Variants in HIPK2 observed in about 807,000 individuals in gnomAD.
The protein encoded by HIPK2 is homeodomain interacting protein kinase 2.
HIPK2 carries 27 observed loss-of-function variants against 113.7 expected under a neutral mutation model. That is an observed-to-expected ratio of 0.24 (90% CI 0.17 to 0.33). HIPK2 has a LOEUF of 0.33. HIPK2 is among the 10% of genes least tolerant of loss of function. The pLI is 1.00. For synonymous variants in HIPK2, 631 were observed against 642.2 expected (o/e 0.98, Z 0.26); for missense variants, 1,257 against 1,588.0 (o/e 0.79, Z 3.54).
intron 13 of HIPK2, among the ~76,000 whole-genome samples, chr7:139,576,672 G>A (rs1291201463): frequency 6.6e-6 from 1 of 152,234 alleles, no homozygotes; most frequent in East Asian, 1.9e-4. Flanking sequence ...CGTGAATAAG[G>A]AGGAGGCATC....
chr7:139,696,808 C>T (rs1303918120), intron 2 of HIPK2, among the ~76,000 whole-genome samples: 5 of 152,262 alleles, frequency 3.3e-5, no homozygotes, highest in African/African-American at 1.2e-4. Flanking sequence ...AGAGGTGACA[C>T]GTTTCAGAGC....
intron 1 of HIPK2, among the ~76,000 whole-genome samples, chr7:139,728,852 T>C (rs1382765041): frequency 3.3e-5 from 5 of 152,206 alleles, no homozygotes; most frequent in South Asian, 2.1e-4. Flanking sequence ...ATATCTTACC[T>C]TAAAGGACCT....
At chr7:139,641,606 G>A (rs1801025614) in intron 2 of HIPK2, among the ~76,000 whole-genome samples, 1 of 152,186 alleles carries the variant, frequency 6.6e-6, no homozygotes, top group African/African-American at 2.4e-5. Context: ...ACAGCCCGGG[G>A]AACAGGTTTG....
chr7:139,697,367 C>T (rs1016229495), intron 2 of HIPK2, among the ~76,000 whole-genome samples: 20 of 152,220 alleles, frequency 1.3e-4, no homozygotes, highest in African/African-American at 4.6e-4. Flanking sequence ...AGCCTACAGC[C>T]GGAAAAGTAT....
intron 1 of HIPK2, among the ~76,000 whole-genome samples, chr7:139,752,581 C>T (rs1047104250): frequency 4.6e-5 from 7 of 152,094 alleles, no homozygotes; most frequent in Admixed American, 2.0e-4. Flanking sequence ...GATCACCACA[C>T]CCAGGATTCC....
At chr7:139,684,964 T>G (rs909060822) in intron 2 of HIPK2, among the ~76,000 whole-genome samples, 3 of 152,136 alleles carry the variant, frequency 2.0e-5, no homozygotes, top group Admixed American at 6.5e-5. Context: ...CCCTAACTCT[T>G]CAATTCTGTG....
chr7:139,671,620 C>T (rs1802305650), intron 2 of HIPK2, among the ~76,000 whole-genome samples: 2 of 152,088 alleles, frequency 1.3e-5, no homozygotes, highest in South Asian at 2.1e-4. Flanking sequence ...GGCATGATCT[C>T]GGCTCACTGC....
intron 2 of HIPK2, among the ~76,000 whole-genome samples, chr7:139,706,415 C>T (rs898104519): frequency 3.3e-5 from 5 of 152,062 alleles, no homozygotes; most frequent in African/African-American, 9.7e-5. Context: ...CGAGGGTTTC[C>T]GGTGGGTGAC....
At chr7:139,732,592 C>G (rs1360365013) in intron 1 of HIPK2, among the ~76,000 whole-genome samples, 7 of 152,032 alleles carry the variant, frequency 4.6e-5, no homozygotes, top group African/African-American at 7.3e-5. Flanking sequence ...TTTCTGCATT[C>G]TCAACAACTA....
At chr7:139,673,101 C>CTTTT (rs10701208) in intron 2 of HIPK2, among the ~76,000 whole-genome samples, 4 of 143,720 alleles carry the variant, frequency 2.8e-5, no homozygotes, top group Admixed American at 6.9e-5. Flanking sequence ...GTGGTTAGAA[C>CTTTT]TTTTTTTTTT....
intron 2 of HIPK2, among the ~76,000 whole-genome samples, chr7:139,715,708 A>G (rs1220655161): frequency 6.6e-6 from 1 of 152,180 alleles, no homozygotes; most frequent in Non-Finnish European, 1.5e-5. Context: ...AGCCCTTCCA[A>G]CGCTGAACAC....
At chr7:139,738,876 C>T (rs1477858221) in intron 1 of HIPK2, among the ~76,000 whole-genome samples, 2 of 152,128 alleles carry the variant, frequency 1.3e-5, no homozygotes, top group Non-Finnish European at 1.5e-5. Context: ...CATTTCCGGG[C>T]AGGGAATGGA....
At chr7:139,670,561 A>G (rs377372327) in intron 2 of HIPK2, among the ~76,000 whole-genome samples, 1 of 151,292 alleles carries the variant, frequency 6.6e-6, no homozygotes, top group African/African-American at 2.4e-5. Context: ...AGCCTGGGTG[A>G]TAGAGCAAGA....
intron 1 of HIPK2, among the ~76,000 whole-genome samples, chr7:139,727,297 G>A (rs1202640943): frequency 6.6e-6 from 1 of 152,196 alleles, no homozygotes; most frequent in Non-Finnish European, 1.5e-5. Context: ...CAGAGAAAGA[G>A]TGGCAGAGCC....
At chr7:139,699,455 G>C (rs1794649445) in intron 2 of HIPK2, among the ~76,000 whole-genome samples, 2 of 152,114 alleles carry the variant, frequency 1.3e-5, no homozygotes, top group South Asian at 4.1e-4. Flanking sequence ...TGGGGAAGAG[G>C]ACCATGCTTA....
Position 139,637,635 on chromosome 7 carries a change from GCTCA to G in HIPK2, c.1104-5914_1104-5911del, listed in dbSNP as rs925042966. On this transcript the variant is annotated intron_variant, in intron 2 of 14. Coordinates refer to ENST00000406875, the MANE Select transcript of HIPK2 (RefSeq NM_022740.5). The stretch of plus-strand genomic sequence containing the variant: ...CCACTTCACAGCACTTTCTTAACCT[GCTCA>G]CTGTCTGTCTTCCCTGACCAAGTCT... 4.1e-4 allele frequency among the ~76,000 whole-genome samples: 62 copies of G among 152,300 alleles called. 1 individual carries two copies. The highest frequency in any genetic ancestry group is 1.4e-3 in the African/African-American group (59 of 41,554).
chr7:139,674,450 G>A (rs965865363), intron 2 of HIPK2, among the ~76,000 whole-genome samples: 5 of 152,240 alleles, frequency 3.3e-5, no homozygotes, highest in African/African-American at 1.2e-4. Flanking sequence ...CCATCCTGGG[G>A]ATGAGATGCG....
intron 2 of HIPK2, among the ~76,000 whole-genome samples, chr7:139,698,920 A>G (rs1045516510): frequency 4.8e-4 from 73 of 152,334 alleles, no homozygotes; most frequent in African/African-American, 1.7e-3. Context: ...CAGATTTTAC[A>G]TGCAGCAAGA....
At chr7:139,658,337 GCAAA>G (rs925264837) in intron 2 of HIPK2, among the ~76,000 whole-genome samples, 3 of 151,546 alleles carry the variant, frequency 2.0e-5, no homozygotes, top group African/African-American at 4.8e-5. Context: ...CGGGGAAAAG[GCAAA>G]CAGAGTGTTG....
Sources: gnomAD v4.1 joint callset for allele counts (sites outside exome capture counted in the v4.1 genomes callset) on GRCh38, gnomAD v4.1.1 for gene constraint, MANE v1.5 for transcripts, NCBI Gene and HGNC (gene_info 2026-07-23, HGNC 2026-07-21) for gene names.